FUBP3: variants seen among roughly 807,000 people sequenced by gnomAD.
FUBP3 encodes the protein far upstream element-binding protein 3.
FUBP3 carries 28 observed loss-of-function variants against 85.6 expected under a neutral mutation model. The observed-to-expected ratio is 0.33, with a 90% CI of 0.24 to 0.45. The LOEUF is 0.45. Ranked by LOEUF, FUBP3 falls within the 20% of genes least tolerant of loss-of-function variation. FUBP3 has a pLI of 1.00. For synonymous variants in FUBP3, 271 were observed against 271.4 expected, an observed-to-expected ratio of 1.00 and a Z score of 0.01; for missense variants, 583 against 755.1, an observed-to-expected ratio of 0.77 and a Z score of 2.67.
At chr9:130,607,822 G>T (rs1831536004) in intron 2 of FUBP3, among the ~76,000 whole-genome samples, 1 of 152,216 alleles carries the variant, frequency 6.6e-6, no homozygotes, top group South Asian at 2.1e-4. Flanking sequence ...CTAAGCATCT[G>T]CCAGCTCAGA....
Position 130,632,891 on chromosome 9 carries a change from A to G in FUBP3, c.1510+613A>G, listed in dbSNP as rs551487147. On this transcript the variant is annotated intron_variant, in intron 16 of 18. Transcript: ENST00000319725. ...TCAGAGCTGGTCTAGCCCCTCTGGC[A>G]TGGCCTTCACAAAGCAAAGCAGAAC... Among the ~76,000 whole-genome samples the G allele has an allele frequency of 9.1e-4, 139 of 152,394 alleles. 2 individuals carry two copies. Among genetic ancestry groups the G allele is most frequent in the Middle Eastern group, 6.8e-3 (2 of 294 alleles).
chr9:130,622,363 G>A (rs896609306), intron 9 of FUBP3, among the ~76,000 whole-genome samples: 2 of 149,490 alleles, frequency 1.3e-5, no homozygotes, highest in Admixed American at 1.3e-4. Context: ...CAGACACAGT[G>A]GCTCACGCCT....
Position 130,630,553 on chromosome 9 carries a change from G to C in FUBP3, c.1118-75G>C, listed in dbSNP as rs1830169717. The C allele has an allele frequency of 1.1e-5, 14 of 1,235,850 alleles. No individual in the cohort carries two copies. The South Asian group carries it at 1.6e-4, about 14-fold the overall frequency. The allele number at this position is 1,235,850 out of a possible 1,614,324, so 76.6% of individuals were successfully genotyped here. On this transcript the variant is annotated intron_variant, in intron 12 of 18. Coordinates refer to ENST00000319725, the MANE Select transcript of FUBP3 (RefSeq NM_003934.2). ...CAAAATCCCCCCGAGTTGTCTTCTGGAGCCAAGTGCCCCAGAGCCTCAGGA... is the reference window on the plus strand; with the variant it reads ...CAAAATCCCCCCGAGTTGTCTTCTGCAGCCAAGTGCCCCAGAGCCTCAGGA...
At chr9:130,593,967 T>C (rs755016246) in intron 1 of FUBP3, among the ~76,000 whole-genome samples, 5 of 152,240 alleles carry the variant, frequency 3.3e-5, no homozygotes, top group Non-Finnish European at 7.3e-5. Flanking sequence ...ATAATAAATA[T>C]TAAAAGTTGA....
intron 2 of FUBP3, among the ~76,000 whole-genome samples, chr9:130,604,354 A>G (rs1831313777): frequency 1.3e-5 from 2 of 152,196 alleles, no homozygotes; most frequent in African/African-American, 2.4e-5. Flanking sequence ...GATACATGAT[A>G]AGTGACAGAA....
At chr9:130,584,601 G>A (rs538105665) in intron 1 of FUBP3, among the ~76,000 whole-genome samples, 1 of 152,034 alleles carries the variant, frequency 6.6e-6, no homozygotes, top group African/African-American at 2.4e-5. Context: ...GGGCATGGTG[G>A]CTAATGCCTG....
chr9:130,608,957 C>T (rs1450212274), intron 2 of FUBP3, among the ~76,000 whole-genome samples: 2 of 152,190 alleles, frequency 1.3e-5, no homozygotes, highest in Admixed American at 1.3e-4. Context: ...CATTCTCTGT[C>T]CTCAAGTGGG....
intron 16 of FUBP3, among the ~76,000 whole-genome samples, chr9:130,634,081 C>T (rs760453268): frequency 2.6e-5 from 4 of 152,208 alleles, no homozygotes; most frequent in African/African-American, 9.7e-5. Flanking sequence ...CTGGCTGTTT[C>T]TCCGCGTCCC....
intron 12 of FUBP3, among the ~76,000 whole-genome samples, chr9:130,627,219 T>C (rs899749866): frequency 6.6e-6 from 1 of 152,216 alleles, no homozygotes; most frequent in Non-Finnish European, 1.5e-5. Context: ...GGGCCGAGGC[T>C]GTGGGGCCTT....
intron 13 of FUBP3, chr9:130,631,325 C>T (rs1830200221): frequency 1.4e-6 from 2 of 1,400,080 alleles, no homozygotes; most frequent in African/African-American, 1.5e-5. Context: ...GATGCCAGGG[C>T]AGTTGTGGTG....
intron 2 of FUBP3, among the ~76,000 whole-genome samples, chr9:130,601,490 TC>T (rs1304724396): frequency 6.6e-6 from 1 of 152,138 alleles, no homozygotes; most frequent in Non-Finnish European, 1.5e-5. Flanking sequence ...AACCAGGACT[TC>T]AGGAGAGTAC....
At chr9:130,633,736 G>A (rs945666912) in intron 16 of FUBP3, among the ~76,000 whole-genome samples, 3 of 152,152 alleles carry the variant, frequency 2.0e-5, no homozygotes, top group East Asian at 1.9e-4. Context: ...TCCCTCTTTC[G>A]CCCTGCCCCT....
chr9:130,628,759 ATTCTTTTTTATTT>A (rs1202962395), intron 12 of FUBP3, among the ~76,000 whole-genome samples: 1 of 151,814 alleles, frequency 6.6e-6, no homozygotes, highest in East Asian at 1.9e-4. Context: ...TTTGGTTTCT[ATTCTTTTTTATTT>A]TTTTTTATTT....
chr9:130,585,472 A>G (rs1006448781), intron 1 of FUBP3, among the ~76,000 whole-genome samples: 3 of 152,212 alleles, frequency 2.0e-5, no homozygotes, highest in African/African-American at 7.2e-5. Flanking sequence ...AAGCCGATGC[A>G]TGACCTTGGG....
chr9:130,580,464 A>G (rs1280003278), intron 1 of FUBP3, among the ~76,000 whole-genome samples: 1 of 152,210 alleles, frequency 6.6e-6, no homozygotes, highest in African/African-American at 2.4e-5. Flanking sequence ...TGCCAAAAAT[A>G]CTTACTGGCT....
At position 130,593,595 on chromosome 9, in the gene FUBP3, A is replaced by G. The variant is rs1830728546; in HGVS notation, c.85-1888A>G. ...ATGATGTCTGCTGTTTAAATCCTGTATTTGGTTTTCAGTATCATGATTGTC... is the reference window on the plus strand; with the variant it reads ...ATGATGTCTGCTGTTTAAATCCTGTGTTTGGTTTTCAGTATCATGATTGTC... On this transcript the variant is annotated intron_variant, in intron 1 of 18. Coordinates refer to ENST00000319725, the MANE Select transcript of FUBP3 (RefSeq NM_003934.2). Among the ~76,000 whole-genome samples the G allele has an allele frequency of 4.6e-5, 7 of 152,168 alleles. 1 individual carries two copies. The highest frequency in any genetic ancestry group is 3.9e-4 in the Admixed American group (6 of 15,258).
At chr9:130,617,526 A>G (rs1218303602) in intron 7 of FUBP3, among the ~76,000 whole-genome samples, 1 of 152,230 alleles carries the variant, frequency 6.6e-6, no homozygotes, top group Non-Finnish European at 1.5e-5. Flanking sequence ...AGTGCCTGGC[A>G]TTCAGTGAAA....
chr9:130,635,793 C>T lies in FUBP3; in HGVS notation c.1583-206C>T. The T allele has an allele frequency of 1.8e-6, 1 of 558,452 alleles. No homozygotes were observed. The allele number at this position is 558,452 out of a possible 1,614,324, so 34.6% of individuals were successfully genotyped here. A position where few individuals can be genotyped will look rare whatever the true frequency, so the allele number is the denominator to read the frequency against. On this transcript the variant is annotated intron_variant, in intron 17 of 18. Transcript: ENST00000319725. This position sits in a 1 kb window ranked among gnomAD's most constrained non-coding sequence, Gnocchi z 4.3. The stretch of plus-strand genomic sequence containing the variant: ...AGGCAGGCGTGAGGATTGGTCTTCA[C>T]AGGCATAGCAGGGGCCGGGCAACAA...
At chr9:130,621,937 A>G (rs1031931323) in intron 9 of FUBP3, among the ~76,000 whole-genome samples, 1 of 152,096 alleles carries the variant, frequency 6.6e-6, no homozygotes, top group African/African-American at 2.4e-5. Context: ...ACGCAGTTCA[A>G]CCACAGTATT....
Sources: allele counts gnomAD v4.1 joint callset (sites outside exome capture counted in the v4.1 genomes callset), GRCh38; gene constraint gnomAD v4.1.1; non-coding constraint Gnocchi (gnomAD v3.1); transcripts MANE v1.5; gene names NCBI Gene and HGNC (gene_info 2026-07-23, HGNC 2026-07-21).